UBTD2: variants seen among roughly 807,000 people sequenced by gnomAD.
UBTD2 encodes the protein ubiquitin domain-containing protein 2.
Under a neutral mutation model 19.8 loss-of-function variants are expected in UBTD2, and 9 were observed. The ratio of observed to expected loss-of-function variants is 0.46; its 90% CI spans 0.27 to 0.79. The LOEUF (loss-of-function observed/expected upper bound fraction) is 0.79, where lower values mean the gene tolerates loss of function less well. Among genes scored for constraint, UBTD2 ranks in the 30% least tolerant of loss-of-function variants. The pLI, the probability that UBTD2 is intolerant of heterozygous loss-of-function variation, is 0.14. For missense variants in UBTD2, 250 were observed against 300.4 expected, an observed-to-expected ratio of 0.83 and a Z score of 1.24; for synonymous variants, 98 against 103.9, an observed-to-expected ratio of 0.94 and a Z score of 0.35.
chr5:172,264,732 C>A (rs1292071413), intron 1 of UBTD2, among the ~76,000 whole-genome samples: 1 of 151,644 alleles, frequency 6.6e-6, no homozygotes, highest in Non-Finnish European at 1.5e-5. Context: ...AAAAATTAAC[C>A]AGGCATAGTG....
chr5:172,226,502 A>G (rs566012941), intron 2 of UBTD2, among the ~76,000 whole-genome samples: 22 of 152,328 alleles, frequency 1.4e-4, no homozygotes, highest in African/African-American at 4.8e-4. Context: ...AACACACAAT[A>G]ATGTTGGCTG....
intron 1 of UBTD2, among the ~76,000 whole-genome samples, chr5:172,259,246 G>A (rs371628980): frequency 6.6e-6 from 1 of 152,002 alleles, no homozygotes; most frequent in Non-Finnish European, 1.5e-5. Context: ...GGGTTCAAGC[G>A]ATTCTCCTGC....
At chr5:172,230,904 C>T (rs1397561786) in intron 2 of UBTD2, among the ~76,000 whole-genome samples, 1 of 151,970 alleles carries the variant, frequency 6.6e-6, no homozygotes, top group Non-Finnish European at 1.5e-5. Context: ...CTACCTCAGC[C>T]TCCTGAGTAG....
intron 1 of UBTD2, among the ~76,000 whole-genome samples, chr5:172,240,757 A>G (rs1188218764): frequency 3.3e-5 from 5 of 152,188 alleles, no homozygotes; most frequent in Non-Finnish European, 5.9e-5. Context: ...TTTATTGAGA[A>G]AGATAATATT....
At chr5:172,220,301 T>C (rs1771625643) in intron 2 of UBTD2, among the ~76,000 whole-genome samples, 1 of 152,162 alleles carries the variant, frequency 6.6e-6, no homozygotes. Context: ...GTACTAGGAA[T>C]AGAAGGGAAC....
intron 1 of UBTD2, among the ~76,000 whole-genome samples, chr5:172,253,098 T>C (rs934029026): frequency 1.3e-5 from 2 of 152,106 alleles, no homozygotes; most frequent in Non-Finnish European, 2.9e-5. Flanking sequence ...GGCACCACCA[T>C]AGCTCAGTGC....
intron 2 of UBTD2, among the ~76,000 whole-genome samples, chr5:172,231,374 A>G (rs1349442354): frequency 6.6e-6 from 1 of 152,210 alleles, no homozygotes; most frequent in Non-Finnish European, 1.5e-5. Flanking sequence ...CTTAAGGAGA[A>G]AATATTCCTT....
At chr5:172,255,361 T>C in intron 1 of UBTD2, 1 of 468,154 alleles carries the variant, frequency 2.1e-6, no homozygotes. Flanking sequence ...GGATTCCATG[T>C]AATTAGATGA....
intron 2 of UBTD2, among the ~76,000 whole-genome samples, chr5:172,222,866 A>AGGTAAATT (rs1771680926): frequency 6.6e-6 from 1 of 152,226 alleles, no homozygotes; most frequent in Admixed American, 6.5e-5. Flanking sequence ...TGGCTAAAAC[A>AGGTAAATT]GGTAAATTAA....
chr5:172,254,576 T>A, intron 1 of UBTD2: 1 of 643,788 alleles, frequency 1.6e-6, no homozygotes, highest in Non-Finnish European at 2.8e-6. Flanking sequence ...GTCTTCTGTG[T>A]GCTTTCAAGT....
intron 1 of UBTD2, among the ~76,000 whole-genome samples, chr5:172,241,438 C>T (rs1018680764): frequency 1.3e-5 from 2 of 149,880 alleles, no homozygotes; most frequent in Non-Finnish European, 3.0e-5. Flanking sequence ...AAAAAAGATG[C>T]CCACTATCTC....
At chr5:172,255,000 G>T in intron 1 of UBTD2, 1 of 560,220 alleles carries the variant, frequency 1.8e-6, no homozygotes, top group Admixed American at 2.0e-5. Flanking sequence ...ACCACCGGCT[G>T]GATGACCAGC....
chr5:172,228,335 A>T (rs1771813989), intron 2 of UBTD2, among the ~76,000 whole-genome samples: 1 of 152,194 alleles, frequency 6.6e-6, no homozygotes, highest in African/African-American at 2.4e-5. Context: ...CTTTGGAAGA[A>T]TGATGCAACC....
At chr5:172,218,517 C>T (rs1379589024) in intron 2 of UBTD2, among the ~76,000 whole-genome samples, 3 of 151,758 alleles carry the variant, frequency 2.0e-5, no homozygotes, top group Non-Finnish European at 4.4e-5. Flanking sequence ...GCACTGTGGC[C>T]CATGCCTGTA....
chr5:172,266,416 C>T (rs985322909), intron 1 of UBTD2, among the ~76,000 whole-genome samples: 1 of 152,224 alleles, frequency 6.6e-6, no homozygotes, highest in Non-Finnish European at 1.5e-5. Flanking sequence ...AGGCACCAGA[C>T]TTTACCTACC....
At chr5:172,247,522 A>AC (rs945640410) in intron 1 of UBTD2, among the ~76,000 whole-genome samples, 1 of 152,142 alleles carries the variant, frequency 6.6e-6, no homozygotes, top group Non-Finnish European at 1.5e-5. Flanking sequence ...ACAAAAAACA[A>AC]CCACCACCAC....
rs187535411 is a variant in UBTD2, at chr5:172,226,288, A to C, written c.307+7834T>G. On this transcript the variant is annotated intron_variant, in intron 2 of 2. Transcript: ENST00000393792. The stretch of plus-strand genomic sequence containing the variant: ...GTATACTCAAGCCTGATAGAGGGAC[A>C]TAAGACTCCAGGAGAAGCAGTGAGA... Among the ~76,000 whole-genome samples, 209 of 125,048 alleles carry C rather than the reference A, an allele frequency of 1.7e-3. 3 individuals carry two copies. In the East Asian group the frequency reaches 0.037, roughly 22 times the overall value. 82.0% of individuals were successfully genotyped at this position (125,048 alleles called of 152,430 possible). A position where few individuals can be genotyped will look rare whatever the true frequency, so the allele number is the denominator to read the frequency against.
chr5:172,279,339 T>C lies in UBTD2; in HGVS notation c.70+4257A>G, dbSNP rs188682718. Among the ~76,000 whole-genome samples, 83 of 152,334 alleles carry C rather than the reference T, an allele frequency of 5.4e-4. 1 individual carries two copies. In the East Asian group the frequency reaches 9.2e-3, roughly 17 times the overall value. On this transcript the variant is annotated intron_variant, in intron 1 of 2. Coordinates refer to ENST00000393792, the MANE Select transcript of UBTD2 (RefSeq NM_152277.3). Reference sequence around the variant, plus strand: ...CAGAGATACTATCCACCTCATAAGGTTGTTAGGACCTGTTACATAATAAAT... The same window carrying C: ...CAGAGATACTATCCACCTCATAAGGCTGTTAGGACCTGTTACATAATAAAT...
intron 2 of UBTD2, among the ~76,000 whole-genome samples, chr5:172,225,824 A>G (rs1771751022): frequency 1.3e-5 from 2 of 152,006 alleles, no homozygotes; most frequent in South Asian, 4.1e-4. Context: ...GAAAGGGGCA[A>G]TGTTCTAGAA....
Sources: gnomAD v4.1 joint callset for allele counts (sites outside exome capture counted in the v4.1 genomes callset) on GRCh38, gnomAD v4.1.1 for gene constraint, MANE v1.5 for transcripts, NCBI Gene and HGNC (gene_info 2026-07-23, HGNC 2026-07-21) for gene names.